Variants in RSPH14 observed in about 807,000 individuals in gnomAD.
RSPH14 encodes the protein rhabdoid tumor deletion region gene 1.
In RSPH14, 20 loss-of-function variants were observed where a neutral mutation model predicts 26.7. The observed-to-expected ratio is 0.75, with a 90% CI of 0.53 to 1.09. The LOEUF (loss-of-function observed/expected upper bound fraction) is 1.09, where lower values mean the gene tolerates loss of function less well. Ranked by LOEUF, RSPH14 falls within the 50% of genes least tolerant of loss-of-function variation. The pLI is 0.00. For missense variants in RSPH14, 449 were observed against 457.2 expected (o/e 0.98, Z 0.16); for synonymous variants, 177 against 189.3 (o/e 0.93, Z 0.53).
chr22:23,161,108 C>A, the RSPH14 span: 1 of 1,353,330 alleles, frequency 7.4e-7, no homozygotes, highest in Non-Finnish European at 1.0e-6. Flanking sequence ...TTGTGGCCCT[C>A]TCCTGTCCTT....
chr22:23,157,254 G>GT, the RSPH14 span, among the ~76,000 whole-genome samples: 713 of 145,954 alleles, frequency 4.9e-3, 6 homozygotes, highest in African/African-American at 0.014. Context: ...GGACTAACAG[G>GT]TTTTTTTTTT....
At chr22:23,166,324 G>A in the RSPH14 span, among the ~76,000 whole-genome samples, 1 of 139,398 alleles carries the variant, frequency 7.2e-6, no homozygotes, top group Admixed American at 7.3e-5. Flanking sequence ...ATAAGGGTGT[G>A]AAGAACTGGA....
upstream of RSPH14, among the ~76,000 whole-genome samples, chr22:23,147,680 G>T (rs1008757084): frequency 6.6e-6 from 1 of 152,166 alleles, no homozygotes; most frequent in African/African-American, 2.4e-5. Context: ...TCTGGCATGG[G>T]TTTACAATGT....
intron 4 of RSPH14, among the ~76,000 whole-genome samples, chr22:23,097,820 G>T (rs903167730): frequency 3.9e-5 from 6 of 152,244 alleles, no homozygotes; most frequent in African/African-American, 1.4e-4. Context: ...CAGACCCTTG[G>T]GACAGTGCCA....
upstream of RSPH14, chr22:23,142,099 A>G (rs147580439): frequency 9.2e-4 from 844 of 921,950 alleles, 14 homozygotes; most frequent in East Asian, 0.043. Flanking sequence ...CAAACAGCCC[A>G]AGGCTGCGGC....
At chr22:23,100,022 A>G (rs964792423) in intron 4 of RSPH14, among the ~76,000 whole-genome samples, 5 of 152,244 alleles carry the variant, frequency 3.3e-5, no homozygotes, top group Non-Finnish European at 5.9e-5. Flanking sequence ...TCATGTGGAA[A>G]CCCACAGGGA....
At position 23,130,084 on chromosome 22, in the gene RSPH14, G is replaced by GAAGAAAGAAAGA. The variant is rs1221656067; in HGVS notation, c.421+3930_421+3941dup. Reference sequence around the variant, plus strand: ...AAAAGAAAGAAAGAAAGAAAGAAAGGAAGAAAGAAAGAAAGAAAGAAAGAA... The same window carrying GAAGAAAGAAAGA: ...AAAAGAAAGAAAGAAAGAAAGAAAGGAAGAAAGAAAGAAAGAAAGAAAGAAAGAAAGAAAGAA... On this transcript the variant is annotated intron_variant, in intron 4 of 6. Coordinates refer to ENST00000216036, the MANE Select transcript of RSPH14 (RefSeq NM_014433.3). 8.3e-4 allele frequency among the ~76,000 whole-genome samples: 43 copies of GAAGAAAGAAAGA among 51,818 alleles called. 1 individual carries two copies. The highest frequency in any genetic ancestry group is 2.0e-3 in the East Asian group (4 of 1,970). 34.0% of individuals were successfully genotyped at this position (51,818 alleles called of 152,430 possible). A position where few individuals can be genotyped will look rare whatever the true frequency, so the allele number is the denominator to read the frequency against.
At chr22:23,085,956 C>T (rs1274325839) in intron 4 of RSPH14, among the ~76,000 whole-genome samples, 1 of 152,250 alleles carries the variant, frequency 6.6e-6, no homozygotes, top group East Asian at 1.9e-4. Context: ...CTCCAGCAGG[C>T]GCTAATCCCC....
upstream of RSPH14, chr22:23,145,336 C>A (rs1336521414): frequency 6.3e-7 from 1 of 1,592,596 alleles, no homozygotes; most frequent in Non-Finnish European, 8.5e-7. Flanking sequence ...CTGCCAGCCC[C>A]GCCCAGACTC....
Position 23,063,931 on chromosome 22 carries a change from G to T in RSPH14, c.624C>A (p.Ser208Arg). ...CATTAAGGAGCGCACGGGCGGCCTT[G>T]CTGCGGATGTTCTGGTTGGCGCTGA... is the stretch of plus-strand genomic sequence containing the variant. ...KLLSANQNIR[S>R]KAARALLNVS... The change falls in exon 5 of 7, where the codon AGC (serine) becomes AGA (arginine). Residue 208 changes from serine to arginine, a missense_variant. Physicochemically the swap from Ser to Arg is moderately radical, Grantham distance 110. Transcript: ENST00000216036. 6.2e-7 allele frequency: 1 copy of T among 1,614,184 alleles called. No homozygotes were observed. The highest frequency in any genetic ancestry group is 1.6e-4 in the Middle Eastern group (1 of 6,062).
At chr22:23,076,405 C>T (rs546052798) in intron 4 of RSPH14, among the ~76,000 whole-genome samples, 1 of 152,344 alleles carries the variant, frequency 6.6e-6, no homozygotes, top group East Asian at 1.9e-4. Flanking sequence ...CCCCTTTTGC[C>T]CTAGGGCTGA....
intron 4 of RSPH14, among the ~76,000 whole-genome samples, chr22:23,073,488 C>G (rs1463125969): frequency 6.6e-6 from 1 of 152,156 alleles, no homozygotes; most frequent in African/African-American, 2.4e-5. Context: ...AGGTCCTGGT[C>G]CCACCATCCT....
At chr22:23,095,642 G>A in intron 4 of RSPH14, 1 of 1,543,258 alleles carries the variant, frequency 6.5e-7, no homozygotes. Flanking sequence ...CCTGTGGCAA[G>A]AGGGAGAGGT....
upstream of RSPH14, among the ~76,000 whole-genome samples, chr22:23,148,943 G>A (rs1030644105): frequency 7.2e-5 from 11 of 152,164 alleles, no homozygotes; most frequent in South Asian, 2.1e-4. Flanking sequence ...CTCCTCCAAC[G>A]ACCACATGAA....
At chr22:23,063,610 T>C (rs1176729919) in intron 5 of RSPH14, among the ~76,000 whole-genome samples, 3 of 152,176 alleles carry the variant, frequency 2.0e-5, no homozygotes, top group Admixed American at 2.0e-4. Context: ...CTGGGTGTCA[T>C]GATCATCACC....
At chr22:23,159,534 A>G in the RSPH14 span, among the ~76,000 whole-genome samples, 1 of 152,218 alleles carries the variant, frequency 6.6e-6, no homozygotes, top group African/African-American at 2.4e-5. Context: ...TGTTCTCCAT[A>G]ACCGGAGAAC....
At chr22:23,161,654 G>A in the RSPH14 span, 1 of 1,160,008 alleles carries the variant, frequency 8.6e-7, no homozygotes, top group Non-Finnish European at 1.2e-6. Flanking sequence ...CCCAAGCTCT[G>A]CAGCGTGTCG....
At chr22:23,161,518 C>T in the RSPH14 span, 1 of 1,612,902 alleles carries the variant, frequency 6.2e-7, no homozygotes, top group African/African-American at 1.3e-5. Context: ...GGGAGTCCGC[C>T]CGAGACCCAG....
At chr22:23,089,513 G>A (rs1029797694) in intron 4 of RSPH14, among the ~76,000 whole-genome samples, 1 of 152,146 alleles carries the variant, frequency 6.6e-6, no homozygotes, top group African/African-American at 2.4e-5. Context: ...TTCCTAGAGT[G>A]GAGGGCATCC....
Sources: allele counts gnomAD v4.1 joint callset (sites outside exome capture counted in the v4.1 genomes callset), GRCh38; gene constraint gnomAD v4.1.1; transcripts MANE v1.5; gene names NCBI Gene and HGNC (gene_info 2026-07-23, HGNC 2026-07-21).